TNRC18: variants seen among roughly 807,000 people sequenced by gnomAD.
The protein encoded by TNRC18 is trinucleotide repeat-containing gene 18 protein.
Under a neutral mutation model 226.7 loss-of-function variants are expected in TNRC18, and 69 were observed. That is an observed-to-expected ratio of 0.30 (90% CI 0.25 to 0.37). The LOEUF (loss-of-function observed/expected upper bound fraction) is 0.37, where lower values mean the gene tolerates loss of function less well. TNRC18 is among the 10% of genes least tolerant of loss of function. The pLI is 1.00. For synonymous variants in TNRC18, 2,449 were observed against 1,927.6 expected, an observed-to-expected ratio of 1.27 and a Z score of -7.09; for missense variants, 4,754 against 4,256.6, an observed-to-expected ratio of 1.12 and a Z score of -3.25.
intron 2 of TNRC18, among the ~76,000 whole-genome samples, chr7:5,401,371 T>TC (rs1309516083): frequency 1.3e-5 from 2 of 152,114 alleles, no homozygotes; most frequent in African/African-American, 2.4e-5. Flanking sequence ...AATCAGGTCC[T>TC]CCCTCCAGAT....
chr7:5,345,516 C>CGGGGGGGGGGGGGG, intron 18 of TNRC18, 46 bp downstream of exon 18: 1 of 354,368 alleles, frequency 2.8e-6, no homozygotes. Flanking sequence ...CAATGGCGTC[C>CGGGGGGGGGGGGGG]GCCCCTCCCA....
At chr7:5,345,517 G>GCCTCCCCC in intron 18 of TNRC18, 45 bp downstream of exon 18, 9 of 377,744 alleles carry the variant, frequency 2.4e-5, no homozygotes, top group South Asian at 1.8e-4. Flanking sequence ...AATGGCGTCC[G>GCCTCCCCC]CCCCTCCCAC....
chr7:5,324,475 A>G lies in TNRC18; in HGVS notation c.6301-120T>C, dbSNP rs1313890401. On this transcript the variant is annotated intron_variant, in intron 20 of 29. Transcript: ENST00000430969. This position sits in a 1 kb window ranked among gnomAD's most constrained non-coding sequence, Gnocchi z 4.8. ...GCCGCAGGGGGAATCTGTCATGTGC[A>G]TGGCAGGGATCCCAGTTAGGGGCAC... The G allele has an allele frequency of 2.9e-6, 4 of 1,380,306 alleles. No homozygotes were observed. In the East Asian group the frequency reaches 9.4e-5, roughly 32 times the overall value. 85.5% of individuals were successfully genotyped at this position (1,380,306 alleles called of 1,614,324 possible).
chr7:5,326,717 T>G (rs4512302), intron 19 of TNRC18, among the ~76,000 whole-genome samples: 39,252 of 148,706 alleles, frequency 0.26, 5,583 homozygotes, highest in Admixed American at 0.37. Flanking sequence ...TGAGGCAGAA[T>G]CATCACTTGC....
chr7:5,420,980 CCGCGAGTGCACA>C (rs1391455483), intron 2 of TNRC18, 68 bp downstream of exon 2: 3 of 1,521,678 alleles, frequency 2.0e-6, no homozygotes, highest in Non-Finnish European at 2.7e-6. Flanking sequence ...CGAGCCCCGG[CCGCGAGTGCACA>C]GGAGGACCCG....
chr7:5,414,718 TCAGTA>T (rs1782065246), intron 2 of TNRC18, among the ~76,000 whole-genome samples: 1 of 152,234 alleles, frequency 6.6e-6, no homozygotes, highest in Non-Finnish European at 1.5e-5. Context: ...GGCCCACATT[TCAGTA>T]TTCTTATTTC....
At position 5,394,543 on chromosome 7, in the gene TNRC18, C is replaced by G. The variant is rs375463284; in HGVS notation, c.240G>C (p.Ser80=). 358 of 1,550,728 alleles carry G rather than the reference C, an allele frequency of 2.3e-4. No individual in the cohort carries two copies. Among genetic ancestry groups the G allele is most frequent in the Admixed American group, 1.1e-3 (53 of 48,994 alleles). ...FVASGMGPSA[S]SHGSPVPLPS... ...GCAGTGGCACTGGGCTCCCATGGGA[C>G]GAGGCCGAGGGCCCCATCCCGCTGG... The change falls in exon 3 of 30, where the codon TCG becomes TCC. Residue 80 remains serine (S), a synonymous_variant. Coordinates refer to ENST00000430969, the MANE Select transcript of TNRC18 (RefSeq NM_001080495.3). This position sits in a 1 kb window ranked among gnomAD's most constrained non-coding sequence, Gnocchi z 4.5.
chr7:5,376,445 G>A (rs531056332), intron 8 of TNRC18, among the ~76,000 whole-genome samples: 52 of 152,238 alleles, frequency 3.4e-4, no homozygotes, highest in Middle Eastern at 3.4e-3. Flanking sequence ...GTCCACACCC[G>A]GGGTGGGATG....
At chr7:5,409,708 T>C (rs1157219292) in intron 2 of TNRC18, among the ~76,000 whole-genome samples, 1 of 151,060 alleles carries the variant, frequency 6.6e-6, no homozygotes, top group African/African-American at 2.4e-5. Context: ...CCAGGCGCAG[T>C]GGCTCACGCT....
chr7:5,402,946 G>A (rs535451671), intron 2 of TNRC18, among the ~76,000 whole-genome samples: 15 of 151,956 alleles, frequency 9.9e-5, no homozygotes, highest in Non-Finnish European at 2.1e-4. Flanking sequence ...AGCATTCTCT[G>A]GGACCTGCTT....
chr7:5,334,469 T>C (rs1388811753), intron 18 of TNRC18, among the ~76,000 whole-genome samples: 2 of 151,402 alleles, frequency 1.3e-5, no homozygotes, highest in East Asian at 3.9e-4. Context: ...GCATTTTTTT[T>C]TTTTTTTTTA....
intron 17 of TNRC18, among the ~76,000 whole-genome samples, chr7:5,348,471 C>T (rs977435075): frequency 6.6e-6 from 1 of 152,166 alleles, no homozygotes; most frequent in Non-Finnish European, 1.5e-5. Flanking sequence ...CTCCTGCCAA[C>T]GCCCCAAGCC....
chr7:5,322,061 C>T (rs1562490066), intron 21 of TNRC18, among the ~76,000 whole-genome samples: 1 of 151,932 alleles, frequency 6.6e-6, no homozygotes, highest in Non-Finnish European at 1.5e-5. Flanking sequence ...GGGCAGATCA[C>T]AAGGTCAGAA....
chr7:5,359,603 G>A (rs779555472), intron 14 of TNRC18, 34 bp from the exon 15 acceptor site: 16 of 1,611,252 alleles, frequency 9.9e-6, no homozygotes, highest in Middle Eastern at 1.6e-4. Flanking sequence ...TCAGCACCCT[G>A]GCCAGACAAG....
Position 5,388,122 on chromosome 7 carries a change from G to C in TNRC18, c.1702C>G (p.Pro568Ala), listed in dbSNP as rs768333162. The C allele has an allele frequency of 9.0e-6, 14 of 1,552,884 alleles. No homozygotes were observed. The East Asian group carries it at 3.2e-4, about 35-fold the overall frequency. ...LPRSAATCGR[P>A]VADMHSAAHG... ...GCCGCAGAGTGCATGTCAGCGACCG[G>C]CCGGCCGCAGGTGGCCGCCGAGCGG... Residue 568 changes from proline (P) to alanine (A), a missense_variant, in exon 5 of 30, where the codon CCG becomes GCG. Pro to Ala is a conservative substitution (Grantham distance 27). Transcript: ENST00000430969.
chr7:5,391,321 T>C (rs1780281103), intron 3 of TNRC18, among the ~76,000 whole-genome samples: 1 of 151,960 alleles, frequency 6.6e-6, no homozygotes, highest in African/African-American at 2.4e-5. Context: ...TTCAGATTTT[T>C]TTTTTTTTGA....
rs1173954619 is a variant in TNRC18 at position 5,315,001 on chromosome 7, C to A, written c.7010G>T (p.Ser2337Ile). The A allele has an allele frequency of 1.6e-5, 26 of 1,607,108 alleles. No individual in the cohort carries two copies. Among genetic ancestry groups the A allele is most frequent in the Non-Finnish European group, 2.2e-5 (26 of 1,177,794 alleles). The change falls in exon 26 of 30, where the codon AGC becomes ATC. Residue 2337 changes from serine (S) to isoleucine (I), a missense_variant. By Grantham distance (142) the Ser-to-Ile change is moderately radical. Coordinates refer to ENST00000430969, the MANE Select transcript of TNRC18 (RefSeq NM_001080495.3). ...CAACCTACCACCCTTGGCCTTGGCG[C>A]TGGGTTTCCGCCCACGCCCACGGGC... The part of the protein sequence containing the change: ...AKARGRGRKP[S>I]AKAKGDRAAT...
At chr7:5,359,963 A>T (rs1792858840) in intron 14 of TNRC18, among the ~76,000 whole-genome samples, 1 of 151,902 alleles carries the variant, frequency 6.6e-6, no homozygotes. Context: ...ACGAAGAAGG[A>T]TTCCAGTCTC....
At position 5,374,212 on chromosome 7, in the gene TNRC18, G is replaced by A. The variant is rs1296260778; in HGVS notation, c.3072C>T (p.Pro1024=). The change falls in exon 10 of 30, where the codon CCC becomes CCT. Residue 1024 remains proline, a synonymous_variant. Transcript: ENST00000430969. The part of the protein sequence containing the change: ...DVSKPPAYAY[P]ATPSSHPTSP... The stretch of plus-strand genomic sequence containing the variant: ...TGGTGGGGTGGGAGCTGGGGGTGGC[G>A]GGGTAGGCGTAGGCGGGTGGCTTGG... 22 of 1,484,974 alleles carry A rather than the reference G, an allele frequency of 1.5e-5. No homozygotes were observed. Among genetic ancestry groups the A allele is most frequent in the African/African-American group, 2.8e-5 (2 of 70,270 alleles). The allele number at this position is 1,484,974 out of a possible 1,614,324, so 92.0% of individuals were successfully genotyped here.
Sources: gnomAD v4.1 joint callset for allele counts (sites outside exome capture counted in the v4.1 genomes callset) on GRCh38, gnomAD v4.1.1 for gene constraint, Gnocchi (gnomAD v3.1) non-coding constraint, MANE v1.5 for transcripts, NCBI Gene and HGNC (gene_info 2026-07-23, HGNC 2026-07-21) for gene names.